The following RPTOR variants were observed in gnomAD, a reference collection of about 807,000 sequenced individuals.
The protein encoded by RPTOR is regulatory-associated protein of mTOR.
RPTOR carries 21 observed loss-of-function variants against 169.9 expected under a neutral mutation model. The ratio of observed to expected loss-of-function variants is 0.12; its 90% CI spans 0.09 to 0.18. RPTOR has a LOEUF of 0.18. Among genes scored for constraint, RPTOR ranks in the 10% least tolerant of loss-of-function variants. The pLI is 1.00. For missense variants in RPTOR, 1,133 were observed against 1,855.9 expected, an observed-to-expected ratio of 0.61 and a Z score of 7.16; for synonymous variants, 732 against 753.2, an observed-to-expected ratio of 0.97 and a Z score of 0.46.
At chr17:80,938,554 T>C (rs7219318) in intron 24 of RPTOR, among the ~76,000 whole-genome samples, 92,850 of 152,130 alleles carry the variant, frequency 0.61, 29,157 homozygotes, top group African/African-American at 0.76. Flanking sequence ...CAAGTGAAAC[T>C]GGTTGCTAAG....
intron 2 of RPTOR, among the ~76,000 whole-genome samples, chr17:80,640,237 T>C (rs1485661539): frequency 6.6e-6 from 1 of 152,188 alleles, no homozygotes; most frequent in East Asian, 1.9e-4. Flanking sequence ...ATAAAGGAAT[T>C]AGAAGAGAAA....
intron 6 of RPTOR, among the ~76,000 whole-genome samples, chr17:80,782,669 C>T (rs1179643058): frequency 6.6e-6 from 1 of 152,154 alleles, no homozygotes; most frequent in Middle Eastern, 3.2e-3. Flanking sequence ...TAGAACCGAG[C>T]AGCCCTGGCT....
intron 24 of RPTOR, among the ~76,000 whole-genome samples, chr17:80,939,343 G>A (rs146285155): frequency 1.4e-4 from 21 of 152,294 alleles, no homozygotes; most frequent in Admixed American, 3.9e-4. Flanking sequence ...CCACATGTGC[G>A]TGCACACACA....
chr17:80,794,671 A>G (rs2067083340), intron 7 of RPTOR, among the ~76,000 whole-genome samples: 1 of 152,252 alleles, frequency 6.6e-6, no homozygotes, highest in Admixed American at 6.5e-5. Context: ...TGTCCCTCCC[A>G]GGGCAAATGA....
intron 7 of RPTOR, among the ~76,000 whole-genome samples, chr17:80,821,687 CAG>C (rs1253465104): frequency 2.6e-5 from 4 of 152,202 alleles, no homozygotes; most frequent in African/African-American, 9.7e-5. Flanking sequence ...ACCCTTAGGA[CAG>C]GGCCTGGGCG....
intron 3 of RPTOR, among the ~76,000 whole-genome samples, chr17:80,665,582 T>C (rs1363996125): frequency 6.7e-6 from 1 of 150,216 alleles, no homozygotes; most frequent in Admixed American, 6.8e-5. Flanking sequence ...TCTCGTTCTG[T>C]CACCCAGGCT....
At chr17:80,758,846 TG>T (rs1412941564) in intron 6 of RPTOR, among the ~76,000 whole-genome samples, 1 of 151,558 alleles carries the variant, frequency 6.6e-6, no homozygotes, top group African/African-American at 2.4e-5. Context: ...GGCAGATGGG[TG>T]GGGGAGCAGT....
chr17:80,918,313 G>A lies in RPTOR; in HGVS notation c.2521-4411G>A, dbSNP rs559773594. Among the ~76,000 whole-genome samples, 9 of 152,336 alleles carry A rather than the reference G, an allele frequency of 5.9e-5. No homozygotes were observed. The South Asian group carries it at 1.2e-3, about 21-fold the overall frequency. ...AGACAGAGATGCCCTGTTCCCCTGC[G>A]GAGATGCAGACTCCAGGCTCTGGGG... On this transcript the variant is annotated intron_variant, in intron 21 of 33. Transcript: ENST00000306801.
intron 3 of RPTOR, among the ~76,000 whole-genome samples, chr17:80,687,590 G>C (rs2065958336): frequency 6.6e-6 from 1 of 152,200 alleles, no homozygotes; most frequent in South Asian, 2.1e-4. Context: ...GGCACCCGTT[G>C]GTGTGTGTTG....
chr17:80,756,369 T>A (rs2066681171), intron 6 of RPTOR, among the ~76,000 whole-genome samples: 1 of 152,248 alleles, frequency 6.6e-6, no homozygotes, highest in African/African-American at 2.4e-5. Context: ...GAGAAGCTGC[T>A]TGAAAAGTCC....
At chr17:80,791,182 G>C (rs2067044166) in intron 6 of RPTOR, among the ~76,000 whole-genome samples, 1 of 151,542 alleles carries the variant, frequency 6.6e-6, no homozygotes, top group African/African-American at 2.4e-5. Flanking sequence ...CTCCTCTCCA[G>C]GGACCGGGCT....
At chr17:80,837,696 C>A (rs1277131175) in intron 9 of RPTOR, among the ~76,000 whole-genome samples, 1 of 152,158 alleles carries the variant, frequency 6.6e-6, no homozygotes, top group Non-Finnish European at 1.5e-5. Flanking sequence ...ATGCTGGCAG[C>A]GCCAGCGTTC....
At chr17:80,798,705 G>T (rs897459836) in intron 7 of RPTOR, among the ~76,000 whole-genome samples, 1 of 152,188 alleles carries the variant, frequency 6.6e-6, no homozygotes, top group South Asian at 2.1e-4. Flanking sequence ...GCCAAGGGGG[G>T]GCCAAGGCAC....
intron 24 of RPTOR, among the ~76,000 whole-genome samples, chr17:80,931,805 G>C (rs771697761): frequency 3.9e-5 from 6 of 152,188 alleles, no homozygotes; most frequent in Non-Finnish European, 8.8e-5. Flanking sequence ...GAGCAACAGA[G>C]AGCCCTTCGG....
At position 80,820,326 on chromosome 17, in the gene RPTOR, T is replaced by C. The variant is rs920375906; in HGVS notation, c.891-1875T>C. On this transcript the variant is annotated intron_variant, in intron 7 of 33. Transcript: ENST00000306801. The surrounding 1 kb of genome is among the most constrained non-coding windows in gnomAD (Gnocchi z 4.1). ...CGGTTTTCAGCATATGTGTTTCTCA[T>C]CTGCAGGTGTGGGACCCAAGACACA... Among the ~76,000 whole-genome samples, 1 of 152,144 alleles carries C rather than the reference T, an allele frequency of 6.6e-6. No homozygotes were observed. Among genetic ancestry groups the C allele is most frequent in the Non-Finnish European group, 1.5e-5 (1 of 68,026 alleles).
intron 1 of RPTOR, among the ~76,000 whole-genome samples, chr17:80,591,493 C>T (rs939644749): frequency 2.3e-4 from 35 of 151,148 alleles, no homozygotes; most frequent in Admixed American, 1.7e-3. Flanking sequence ...ATTCTCCTGC[C>T]TCAGCCTCCC....
intron 13 of RPTOR, among the ~76,000 whole-genome samples, chr17:80,879,301 C>T (rs112334353): frequency 6.3e-4 from 95 of 151,728 alleles, no homozygotes; most frequent in African/African-American, 2.1e-3. Context: ...ATGTCCTTCC[C>T]GGCTGCAGCT....
intron 5 of RPTOR, among the ~76,000 whole-genome samples, chr17:80,733,448 C>T (rs867210968): frequency 6.6e-6 from 1 of 152,202 alleles, no homozygotes; most frequent in Non-Finnish European, 1.5e-5. Flanking sequence ...CCTGGCCCCA[C>T]GCTTTCTCTG....
intron 13 of RPTOR, among the ~76,000 whole-genome samples, chr17:80,863,167 A>G (rs2067939720): frequency 6.6e-6 from 1 of 152,312 alleles, no homozygotes; most frequent in African/African-American, 2.4e-5. Flanking sequence ...TACATGAGAC[A>G]GAGCAGGGCA....
Sources: allele counts gnomAD v4.1 joint callset (sites outside exome capture counted in the v4.1 genomes callset), GRCh38; gene constraint gnomAD v4.1.1; non-coding constraint Gnocchi (gnomAD v3.1); transcripts MANE v1.5; gene names NCBI Gene and HGNC (gene_info 2026-07-23, HGNC 2026-07-21).